RGS5: variants seen among roughly 807,000 people sequenced by gnomAD.
RGS5 encodes regulator of G-protein signalling 5.
Under a neutral mutation model 18.9 loss-of-function variants are expected in RGS5, and 20 were observed. The ratio of observed to expected loss-of-function variants is 1.06; its 90% confidence interval spans 0.74 to 1.54. The LOEUF is 1.54. Ranked by LOEUF, RGS5 falls within the 40% of genes most tolerant of loss-of-function variation. The probability of loss-of-function intolerance (pLI) is 0.00; values close to 1 mark genes in which losing one functional copy is unlikely to be tolerated. For missense variants in RGS5, 201 were observed against 211.8 expected (o/e 0.95, Z 0.32); for synonymous variants, 57 against 76.2 (o/e 0.75, Z 1.31).
At chr1:163,279,237 C>T (rs1327666716) in intron 2 of RGS5, among the ~76,000 whole-genome samples, 1 of 152,014 alleles carries the variant, frequency 6.6e-6, no homozygotes, top group African/African-American at 2.4e-5. Flanking sequence ...CTCATCAGCA[C>T]ATGGAACATT....
intron 1 of RGS5, among the ~76,000 whole-genome samples, chr1:163,185,788 C>A (rs1659044479): frequency 6.6e-6 from 1 of 152,204 alleles, no homozygotes; most frequent in East Asian, 1.9e-4. Flanking sequence ...TCAACACATG[C>A]AATGCATAAA....
At chr1:163,300,289 T>C (rs1323387826) in intron 2 of RGS5, 3 of 152,202 alleles carry the variant, frequency 2.0e-5, no homozygotes, top group Non-Finnish European at 2.9e-5. Flanking sequence ...AGGTGGAGGT[T>C]ACCAAAACAA....
In RGS5 at chr1:163,146,669, T is replaced by G. The variant is rs965439533; in HGVS notation, c.*673A>C. ...ACTATGGGCAGGTGGAGGGGGCCAG[T>G]GAGGAAGGTATAAAAGAGAAATCTT... is the stretch of plus-strand genomic sequence containing the variant. On this transcript the variant is annotated 3_prime_UTR_variant, in exon 5 of 5. Coordinates refer to ENST00000313961, the MANE Select transcript of RGS5 (RefSeq NM_003617.4). 3 of 152,130 alleles carry G rather than the reference T, an allele frequency of 2.0e-5. No homozygotes were observed. Among genetic ancestry groups the G allele is most frequent in the African/African-American group, 7.2e-5 (3 of 41,440 alleles). The allele number at this position is 152,130 out of a possible 1,614,324, so 9.4% of individuals were successfully genotyped here. A position where few individuals can be genotyped will look rare whatever the true frequency, so the allele number is the denominator to read the frequency against.
chr1:163,183,741 G>A (rs1297102556), intron 1 of RGS5, among the ~76,000 whole-genome samples: 1 of 152,212 alleles, frequency 6.6e-6, no homozygotes, highest in Non-Finnish European at 1.5e-5. Flanking sequence ...TTCTGTGAGA[G>A]TTTATAGAAC....
At chr1:163,290,019 A>G (rs1267011552) in intron 2 of RGS5, among the ~76,000 whole-genome samples, 1 of 152,126 alleles carries the variant, frequency 6.6e-6, no homozygotes, top group Non-Finnish European at 1.5e-5. Flanking sequence ...TTGTTGCCAC[A>G]TGTACAGTAA....
chr1:163,156,861 T>C (rs1213705972), intron 3 of RGS5, among the ~76,000 whole-genome samples: 1 of 152,200 alleles, frequency 6.6e-6, no homozygotes, highest in Non-Finnish European at 1.5e-5. Context: ...AATCATTAAA[T>C]TAACATATGC....
At chr1:163,316,575 C>A (rs1046282550) in intron 1 of RGS5, among the ~76,000 whole-genome samples, 1 of 111,232 alleles carries the variant, frequency 9.0e-6, no homozygotes, top group Non-Finnish European at 2.0e-5. Context: ...CACAGTGAGA[C>A]CCTATCTCAA....
chr1:163,212,783 A>G (rs986423790), intron 1 of RGS5: 2 of 152,218 alleles, frequency 1.3e-5, no homozygotes, highest in Non-Finnish European at 2.9e-5. Flanking sequence ...TTAGGGATCA[A>G]CACCATCCTA....
chr1:163,161,897 C>A lies in RGS5; in HGVS notation c.217+18G>T. The A allele has an allele frequency of 6.2e-7, 1 of 1,607,174 alleles. No homozygotes were observed. Among genetic ancestry groups the A allele is most frequent in the Non-Finnish European group, 8.5e-7 (1 of 1,174,188 alleles). ...CTAACCTGACCTTTATTTAAAAAAA[C>A]AAACAATGGAAACTTACAGTTGTTC... is the stretch of plus-strand genomic sequence containing the variant. On this transcript the variant is annotated intron_variant, in intron 3 of 4. Coordinates refer to ENST00000313961, the MANE Select transcript of RGS5 (RefSeq NM_003617.4).
intron 2 of RGS5, among the ~76,000 whole-genome samples, chr1:163,272,073 T>A (rs1648734256): frequency 6.6e-6 from 1 of 151,932 alleles, no homozygotes; most frequent in African/African-American, 2.4e-5. Context: ...TTAGGTGAAG[T>A]CTCACTCTGT....
chr1:163,215,959 T>C (rs1187027492), intron 1 of RGS5, among the ~76,000 whole-genome samples: 1 of 152,000 alleles, frequency 6.6e-6, no homozygotes, highest in South Asian at 2.1e-4. Flanking sequence ...CACACTCCTA[T>C]ATGCAGACAC....
At chr1:163,202,219 G>T (rs1360089550) in intron 1 of RGS5, among the ~76,000 whole-genome samples, 1 of 152,066 alleles carries the variant, frequency 6.6e-6, no homozygotes, top group Non-Finnish European at 1.5e-5. Context: ...CTGCAAACTT[G>T]CCTCCCTCTC....
At chr1:163,314,202 G>C (rs1452714528) in intron 1 of RGS5, among the ~76,000 whole-genome samples, 1 of 152,028 alleles carries the variant, frequency 6.6e-6, no homozygotes, top group African/African-American at 2.4e-5. Flanking sequence ...TTAATGGATT[G>C]TCCTAGGAAC....
rs891371853 is a variant in RGS5, at chr1:163,217,309, C to T, written c.69+217G>A. Among the ~76,000 whole-genome samples, 10 of 152,186 alleles carry T rather than the reference C, an allele frequency of 6.6e-5. No individual in the cohort carries two copies. The East Asian group carries it at 1.7e-3, about 27-fold the overall frequency. On this transcript the variant is annotated intron_variant, in intron 1 of 5. Transcript: ENST00000367903. ...TGAAATAGAACCAAAACAATCTGGC[C>T]TTTACTCTGGGTTTTTTGCATGAAG...
chr1:163,145,500 T>C lies in RGS5; in HGVS notation c.*1842A>G, dbSNP rs1384410469. On this transcript the variant is annotated 3_prime_UTR_variant, in exon 5 of 5. Transcript: ENST00000313961. The stretch of plus-strand genomic sequence containing the variant: ...TGAGTTCCTTGTCAATCCTACACAA[T>C]TGCATGCAATGAGAACTTCATGATT... 2 of 152,094 alleles carry C rather than the reference T, an allele frequency of 1.3e-5. No homozygotes were observed. Among genetic ancestry groups the C allele is most frequent in the Non-Finnish European group, 2.9e-5 (2 of 68,028 alleles). The allele number at this position is 152,094 out of a possible 1,614,324, so 9.4% of individuals were successfully genotyped here. A position where few individuals can be genotyped will look rare whatever the true frequency, so the allele number is the denominator to read the frequency against.
rs974214335 is a variant in RGS5, at chr1:163,144,198, T to A, written c.*3144A>T. On this transcript the variant is annotated 3_prime_UTR_variant, in exon 5 of 5. Coordinates refer to ENST00000313961, the MANE Select transcript of RGS5 (RefSeq NM_003617.4). The stretch of plus-strand genomic sequence containing the variant: ...TTCTGCATTTTAAAAGGTGTCTACC[T>A]GAAAGAAACAAAAAGTGTGTGTGTG... The A allele has an allele frequency of 6.6e-6, 1 of 152,108 alleles. No individual in the cohort carries two copies. The highest frequency in any genetic ancestry group is 1.5e-5 in the Non-Finnish European group (1 of 67,988). 9.4% of individuals were successfully genotyped at this position (152,108 alleles called of 1,614,324 possible).
At chr1:163,177,273 G>C (rs1280243844) in intron 1 of RGS5, among the ~76,000 whole-genome samples, 1 of 152,148 alleles carries the variant, frequency 6.6e-6, no homozygotes, top group African/African-American at 2.4e-5. Flanking sequence ...TTGATGCTAA[G>C]ATTTCTTGTT....
chr1:163,155,645 A>G (rs1396803768), intron 3 of RGS5, among the ~76,000 whole-genome samples: 2 of 152,020 alleles, frequency 1.3e-5, no homozygotes, highest in Admixed American at 1.3e-4. Flanking sequence ...CGGACAACCT[A>G]TTGGGTCAGA....
At chr1:163,222,647 C>A (rs1647252661) in intron 2 of RGS5, among the ~76,000 whole-genome samples, 1 of 152,138 alleles carries the variant, frequency 6.6e-6, no homozygotes, top group Non-Finnish European at 1.5e-5. Context: ...ACAGTGTATA[C>A]TTGTGACAGA....
Sources: allele counts gnomAD v4.1 joint callset (sites outside exome capture counted in the v4.1 genomes callset), GRCh38; gene constraint gnomAD v4.1.1; transcripts MANE v1.5; gene names NCBI Gene and HGNC (gene_info 2026-07-23, HGNC 2026-07-21).